The following AAMDC variants were observed in gnomAD, a reference collection of about 807,000 sequenced individuals.
AAMDC encodes mth938 domain-containing protein.
A neutral mutation model predicts 15.5 loss-of-function variants in AAMDC; 16 were observed. The observed-to-expected ratio is 1.03, with a 90% confidence interval of 0.70 to 1.57. The LOEUF is 1.57. Among genes scored for constraint, AAMDC ranks in the 40% most tolerant of loss-of-function variants. The pLI, the probability that AAMDC is intolerant of heterozygous loss-of-function variation, is 0.00. For synonymous variants in AAMDC, 51 were observed against 51.6 expected (o/e 0.99, Z 0.05); for missense variants, 141 against 144.9 (o/e 0.97, Z 0.14).
chr11:77,851,342 T>C (rs1211976166), intron 2 of AAMDC: 1 of 152,236 alleles, frequency 6.6e-6, no homozygotes, highest in African/African-American at 2.4e-5. Context: ...TCTCAGAGAA[T>C]TGTACAATTG....
At chr11:77,843,749 T>C (rs539338878) in intron 2 of AAMDC, among the ~76,000 whole-genome samples, 21 of 152,252 alleles carry the variant, frequency 1.4e-4, no homozygotes, top group African/African-American at 5.1e-4. Flanking sequence ...ATTAATTCAT[T>C]TTCATTAGTT....
Position 77,842,568 on chromosome 11 carries a change from G to A in AAMDC, c.72G>A (p.Lys24=), listed in dbSNP as rs1336151703. 6.2e-7 allele frequency: 1 copy of A among 1,613,880 alleles called. No individual in the cohort carries two copies. The highest frequency in any genetic ancestry group is 1.3e-5 in the African/African-American group (1 of 74,912). ...MKVKGSNTTY[K]DCKVWPGGSR... The stretch of plus-strand genomic sequence containing the variant: ...TAAAAGGCTCTAATACAACCTATAA[G>A]GACTGCAAAGTATGGCCAGGGGGTA... The change falls in exon 2 of 4, where the codon AAG becomes AAA. Residue 24 remains lysine (K), a synonymous_variant. Coordinates refer to ENST00000393427, the MANE Select transcript of AAMDC (RefSeq NM_024684.4).
downstream of AAMDC, chr11:77,901,636 T>A (rs1164162879): frequency 4.1e-6 from 4 of 982,586 alleles, no homozygotes; most frequent in Admixed American, 8.6e-5. Flanking sequence ...TAAATGACCT[T>A]AGGTGAAACT....
At chr11:77,857,628 A>C (rs1950678322) in intron 2 of AAMDC, among the ~76,000 whole-genome samples, 1 of 151,232 alleles carries the variant, frequency 6.6e-6, no homozygotes, top group South Asian at 2.1e-4. Context: ...TGTGCAGAAC[A>C]TGCAGGTTTG....
intron 2 of AAMDC, among the ~76,000 whole-genome samples, chr11:77,846,450 C>T (rs1029437382): frequency 6.6e-6 from 1 of 152,158 alleles, no homozygotes; most frequent in South Asian, 2.1e-4. Context: ...GAAACCCCAT[C>T]GTCTCCTCAA....
intron 1 of AAMDC, chr11:77,830,119 A>T (rs1224346302): frequency 6.6e-6 from 1 of 152,252 alleles, no homozygotes; most frequent in African/African-American, 2.4e-5. Context: ...ACAGAGCAAG[A>T]CCCTGTACCT....
downstream of AAMDC, among the ~76,000 whole-genome samples, chr11:77,875,681 A>G (rs1354956941): frequency 6.6e-6 from 1 of 152,132 alleles, no homozygotes; most frequent in Non-Finnish European, 1.5e-5. Flanking sequence ...ATACTATACT[A>G]TGTGTGAAGA....
At chr11:77,903,995 T>C (rs1025568382), downstream of AAMDC, among the ~76,000 whole-genome samples, 4 of 152,240 alleles carry the variant, frequency 2.6e-5, no homozygotes, top group Admixed American at 6.5e-5. Context: ...TACTTCTTCC[T>C]TAACTGTGGT....
At chr11:77,901,440 T>C (rs756087159), downstream of AAMDC, 134 of 1,613,854 alleles carry the variant, frequency 8.3e-5, no homozygotes, top group Non-Finnish European at 1.1e-4. Flanking sequence ...GTTCGTGCTG[T>C]TACTATAAGT....
At chr11:77,856,414 C>T (rs886802932) in intron 2 of AAMDC, among the ~76,000 whole-genome samples, 1 of 152,176 alleles carries the variant, frequency 6.6e-6, no homozygotes, top group African/African-American at 2.4e-5. Flanking sequence ...CTATTCCACC[C>T]TCTGCCCATT....
rs200717599 is a variant in AAMDC at position 77,879,135 on chromosome 11, A to T, written c.328+2086A>T. On this transcript the variant is annotated intron_variant, in intron 5 of 5. Transcript: ENST00000304716. ...CTTCCACCTGGCATGCCTCTGAAAA[A>T]AAGATAAAAGAAATCCTCTATAACT... 3.7e-6 allele frequency: 6 copies of T among 1,613,738 alleles called. No homozygotes were observed. The Admixed American group carries it at 5.0e-5, about 13-fold the overall frequency.
chr11:77,824,180 T>G (rs1454956558), intron 1 of AAMDC, among the ~76,000 whole-genome samples: 1 of 152,246 alleles, frequency 6.6e-6, no homozygotes, highest in Non-Finnish European at 1.5e-5. Context: ...TCATCACTTC[T>G]TGCTTTCCTG....
intron 1 of AAMDC, among the ~76,000 whole-genome samples, chr11:77,827,152 G>A (rs115185583): frequency 2.0e-5 from 3 of 151,168 alleles, no homozygotes; most frequent in Non-Finnish European, 4.4e-5. Flanking sequence ...CCCTGGCCCC[G>A]CCCCCCTCAG....
chr11:77,840,907 A>G (rs552680244), intron 1 of AAMDC: 8 of 357,260 alleles, frequency 2.2e-5, no homozygotes, highest in Middle Eastern at 7.8e-4. Context: ...CCATTTGCCT[A>G]TACTAAATGT....
intron 5 of AAMDC, among the ~76,000 whole-genome samples, chr11:77,880,907 G>A (rs974320087): frequency 5.3e-5 from 8 of 152,118 alleles, no homozygotes; most frequent in Non-Finnish European, 7.4e-5. Context: ...CTGGGCAACA[G>A]AAGGAAACCC....
chr11:77,883,053 G>A (rs532919995), intron 5 of AAMDC, among the ~76,000 whole-genome samples: 1 of 149,234 alleles, frequency 6.7e-6, no homozygotes, highest in Non-Finnish European at 1.5e-5. Context: ...TCCAGCCTGG[G>A]CAAGAGCAAG....
chr11:77,822,305 C>T (rs1437474804), intron 1 of AAMDC, among the ~76,000 whole-genome samples: 1 of 149,510 alleles, frequency 6.7e-6, no homozygotes, highest in African/African-American at 2.5e-5. Flanking sequence ...GCCGGGAATC[C>T]TTGGGAGGCT....
intron 5 of AAMDC, chr11:77,884,930 T>A (rs1391310996): frequency 4.4e-6 from 1 of 229,608 alleles, no homozygotes; most frequent in African/African-American, 2.2e-5. Context: ...ATTTTCTTTT[T>A]AAATTTTTTT....
intron 5 of AAMDC, among the ~76,000 whole-genome samples, chr11:77,890,232 T>G (rs1041565792): frequency 6.6e-6 from 1 of 152,222 alleles, no homozygotes. Context: ...GGTCTCATAA[T>G]TTTTAATAAT....
Sources: allele counts gnomAD v4.1 joint callset (sites outside exome capture counted in the v4.1 genomes callset), GRCh38; gene constraint gnomAD v4.1.1; transcripts MANE v1.5; gene names NCBI Gene and HGNC (gene_info 2026-07-23, HGNC 2026-07-21).